Variants in NLGN1 observed in about 807,000 individuals in gnomAD.
NLGN1 encodes the protein neuroligin 1, also known as neuroligin-1.
A neutral mutation model predicts 65.5 loss-of-function variants in NLGN1; 12 were observed. That is an observed-to-expected ratio of 0.18 (90% confidence interval 0.12 to 0.30). NLGN1 has a LOEUF of 0.30. Ranked by LOEUF, NLGN1 falls within the 10% of genes least tolerant of loss-of-function variation. NLGN1 has a pLI of 1.00. For missense variants in NLGN1, 750 were observed against 1,007.1 expected (o/e 0.74, Z 3.46); for synonymous variants, 350 against 359.5 (o/e 0.97, Z 0.30).
At chr3:173,725,471 A>G (rs983892532) in intron 3 of NLGN1, among the ~76,000 whole-genome samples, 1 of 152,198 alleles carries the variant, frequency 6.6e-6, no homozygotes, top group African/African-American at 2.4e-5. Context: ...AGCACATATT[A>G]AATGCTCAAC....
chr3:173,714,760 A>G (rs1433733987), intron 3 of NLGN1, among the ~76,000 whole-genome samples: 1 of 152,120 alleles, frequency 6.6e-6, no homozygotes, highest in Non-Finnish European at 1.5e-5. Flanking sequence ...GGAAAATTCA[A>G]GTACTCTATA....
At chr3:173,915,323 A>T (rs976855256) in intron 4 of NLGN1, among the ~76,000 whole-genome samples, 1 of 152,236 alleles carries the variant, frequency 6.6e-6, no homozygotes, top group African/African-American at 2.4e-5. Context: ...CCCTTTGCAT[A>T]TGAGAAACAA....
intron 3 of NLGN1, among the ~76,000 whole-genome samples, chr3:173,680,185 A>G (rs987646994): frequency 3.3e-5 from 5 of 152,140 alleles, no homozygotes; most frequent in Non-Finnish European, 5.9e-5. Flanking sequence ...TTAGCGGGGT[A>G]GTGGTATGGA....
At chr3:173,621,330 G>A (rs1302948064) in intron 3 of NLGN1, among the ~76,000 whole-genome samples, 1 of 152,142 alleles carries the variant, frequency 6.6e-6, no homozygotes, top group African/African-American at 2.4e-5. Context: ...AGGCAGAGAT[G>A]TAGGGCTTTT....
intron 4 of NLGN1, among the ~76,000 whole-genome samples, chr3:174,226,694 T>A (rs1017636456): frequency 3.3e-5 from 5 of 152,024 alleles, no homozygotes; most frequent in Non-Finnish European, 7.3e-5. Context: ...GCTATATGTC[T>A]GTTAACTTAA....
chr3:174,272,071 C>T (rs1749505159), intron 4 of NLGN1, among the ~76,000 whole-genome samples: 1 of 151,516 alleles, frequency 6.6e-6, no homozygotes. Context: ...AGTCACACAT[C>T]CCAGGAACTT....
intron 4 of NLGN1, among the ~76,000 whole-genome samples, chr3:174,232,973 A>AAAG (rs1741004277): frequency 6.6e-6 from 1 of 152,228 alleles, no homozygotes; most frequent in African/African-American, 2.4e-5. Flanking sequence ...AAAATGTGAC[A>AAAG]AAGAAATATA....
chr3:174,007,768 T>C (rs1724733768), intron 4 of NLGN1, among the ~76,000 whole-genome samples: 2 of 152,226 alleles, frequency 1.3e-5, no homozygotes. Context: ...AGTCATGTTT[T>C]ATCACAGTGC....
intron 3 of NLGN1, among the ~76,000 whole-genome samples, chr3:173,668,308 C>T (rs868165060): frequency 6.6e-6 from 1 of 151,978 alleles, no homozygotes; most frequent in African/African-American, 2.4e-5. Context: ...GAAAATATTG[C>T]CAGCAGAAGT....
intron 4 of NLGN1, among the ~76,000 whole-genome samples, chr3:173,957,059 C>T (rs1579407698): frequency 1.3e-5 from 2 of 151,750 alleles, no homozygotes; most frequent in South Asian, 2.1e-4. Context: ...GATATATCTA[C>T]AGAATTATGA....
At chr3:174,201,115 G>A (rs550058294) in intron 4 of NLGN1, among the ~76,000 whole-genome samples, 5 of 152,164 alleles carry the variant, frequency 3.3e-5, no homozygotes, top group African/African-American at 1.2e-4. Flanking sequence ...GCACACACCT[G>A]TAGGCCCAGC....
intron 3 of NLGN1, among the ~76,000 whole-genome samples, chr3:173,628,592 T>G (rs1478464078): frequency 1.3e-5 from 2 of 152,120 alleles, no homozygotes; most frequent in Non-Finnish European, 2.9e-5. Flanking sequence ...TACTTTAGGC[T>G]ACACCATCTT....
intron 4 of NLGN1, among the ~76,000 whole-genome samples, chr3:174,039,402 TC>T (rs1731808246): frequency 6.6e-6 from 1 of 152,028 alleles, no homozygotes; most frequent in East Asian, 1.9e-4. Flanking sequence ...TAGGTGTTTG[TC>T]CTAATGCTCT....
rs1023288597 is a variant in NLGN1, at chr3:174,035,932, C to T, written c.646+228100C>T. Among the ~76,000 whole-genome samples, 11 of 152,050 alleles carry T rather than the reference C, an allele frequency of 7.2e-5. No homozygotes were observed. The South Asian group carries it at 8.3e-4, about 11-fold the overall frequency. Reference sequence around the variant, plus strand: ...ATTCCAAGTTACATGACCTTCTGCACGACCAACCTTATACATTCTGCATTT... The same window carrying T: ...ATTCCAAGTTACATGACCTTCTGCATGACCAACCTTATACATTCTGCATTT... On this transcript the variant is annotated intron_variant, in intron 4 of 6. Coordinates refer to ENST00000457714, the Ensembl canonical transcript of NLGN1.
chr3:173,488,624 A>T (rs1019284355), intron 2 of NLGN1, among the ~76,000 whole-genome samples: 1 of 152,038 alleles, frequency 6.6e-6, no homozygotes, highest in African/African-American at 2.4e-5. Flanking sequence ...GGTCTCTATC[A>T]TTGCTGTTGA....
intron 4 of NLGN1, among the ~76,000 whole-genome samples, chr3:173,908,659 T>C (rs1422227663): frequency 6.6e-6 from 1 of 152,180 alleles, no homozygotes; most frequent in African/African-American, 2.4e-5. Context: ...TGTAGCAACA[T>C]CTATAACTCT....
At chr3:173,876,171 G>A (rs932271321) in intron 4 of NLGN1, among the ~76,000 whole-genome samples, 6 of 152,092 alleles carry the variant, frequency 3.9e-5, no homozygotes, top group African/African-American at 1.2e-4. Flanking sequence ...GAAACAAGAT[G>A]TATAATTTTT....
At chr3:174,154,837 GTAGATAGATATATTGTAGA>G (rs1241218819) in intron 4 of NLGN1, among the ~76,000 whole-genome samples, 3 of 132,222 alleles carry the variant, frequency 2.3e-5, no homozygotes, top group South Asian at 4.6e-4. Flanking sequence ...TATAGATATT[GTAGATAGATATATTGTAGA>G]TAGATATAGT....
At chr3:173,717,619 A>G (rs1178875497) in intron 3 of NLGN1, among the ~76,000 whole-genome samples, 2 of 152,146 alleles carry the variant, frequency 1.3e-5, no homozygotes, top group Non-Finnish European at 2.9e-5. Context: ...ATTGATGACA[A>G]TTTATTGAAT....
Sources: gnomAD v4.1 joint callset for allele counts (sites outside exome capture counted in the v4.1 genomes callset) on GRCh38, gnomAD v4.1.1 for gene constraint, MANE v1.5 for transcripts, NCBI Gene and HGNC (gene_info 2026-07-23, HGNC 2026-07-21) for gene names.